N4BP2: variants seen among roughly 807,000 people sequenced by gnomAD.
N4BP2 encodes the protein NEDD4-binding protein 2.
Under a neutral mutation model 152.8 loss-of-function variants are expected in N4BP2, and 91 were observed. The observed-to-expected ratio is 0.60, with a 90% CI of 0.50 to 0.71. N4BP2 has a LOEUF of 0.71. N4BP2 is among the 30% of genes least tolerant of loss of function. The pLI is 0.00. For synonymous variants in N4BP2, 646 were observed against 705.3 expected (o/e 0.92, Z 1.33); for missense variants, 1,923 against 2,059.1 (o/e 0.93, Z 1.28).
Position 40,102,775 on chromosome 4 carries a change from A to G in N4BP2, c.930A>G (p.Lys310=), listed in dbSNP as rs1485832198. The change falls in exon 4 of 18, where the codon AAA becomes AAG. Residue 310 remains lysine (K), a synonymous_variant. Coordinates refer to ENST00000261435, the MANE Select transcript of N4BP2 (RefSeq NM_018177.6). ...TACCAGGTACAGGTGGGGATCAGAA[A>G]TCTACTCGGGTCTCTGATGTGTTTC... ...LDLPGTGGDQ[K]STRVSDVFLP... 6.2e-7 allele frequency: 1 copy of G among 1,614,146 alleles called. No homozygotes were observed. Among genetic ancestry groups the G allele is most frequent in the Admixed American group, 1.7e-5 (1 of 60,006 alleles).
the N4BP2 span, among the ~76,000 whole-genome samples, chr4:40,180,918 G>A: frequency 2.6e-5 from 4 of 152,192 alleles, no homozygotes; most frequent in Admixed American, 6.5e-5. Flanking sequence ...TTGGGAGGCT[G>A]AGGCGGGTGG....
Position 40,152,795 on chromosome 4 carries a change from G to A in N4BP2, c.5159G>A (p.Gly1720Asp). ...GTTGTAACAGAATTTAAGCAGAACGGTGGGAAGCCCTATTTGTCTGTGATT... is the reference window on the plus strand; with the variant it reads ...GTTGTAACAGAATTTAAGCAGAACGATGGGAAGCCCTATTTGTCTGTGATT... The part of the protein sequence containing the change: ...EKKTEEFKQN[G>D]GKPYLSVITG... The change falls in exon 17 of 18, where the codon GGT becomes GAT. Residue 1720 changes from glycine (G) to aspartate (D), a missense_variant. Transcript: ENST00000261435. 1 of 1,613,980 alleles carries A rather than the reference G, an allele frequency of 6.2e-7. No homozygotes were observed. Among genetic ancestry groups the A allele is most frequent in the Non-Finnish European group, 8.5e-7 (1 of 1,179,944 alleles).
At chr4:40,161,181 A>T (rs1268462773), downstream of N4BP2, among the ~76,000 whole-genome samples, 1 of 152,218 alleles carries the variant, frequency 6.6e-6, no homozygotes, top group Non-Finnish European at 1.5e-5. Context: ...TCTTGGCCTG[A>T]TAATGCCGCC....
intron 10 of N4BP2, 66 bp downstream of exon 10, chr4:40,123,278 A>C: frequency 9.4e-7 from 1 of 1,065,060 alleles, no homozygotes; most frequent in African/African-American, 1.6e-5. Flanking sequence ...ATTTCAGTGA[A>C]ATCTACCACA....
chr4:40,179,748 G>A, the N4BP2 span, among the ~76,000 whole-genome samples: 13 of 150,128 alleles, frequency 8.7e-5, no homozygotes, highest in Non-Finnish European at 1.9e-4. Context: ...TTTTAGAGTG[G>A]TAAAGCCTTT....
the N4BP2 span, among the ~76,000 whole-genome samples, chr4:40,175,806 A>AG: frequency 1.1e-4 from 16 of 139,394 alleles, no homozygotes; most frequent in African/African-American, 3.9e-4. Flanking sequence ...ACTCGTCTCA[A>AG]GAAAAAAAAA....
the N4BP2 span, among the ~76,000 whole-genome samples, chr4:40,168,173 A>G: frequency 6.6e-6 from 1 of 152,162 alleles, no homozygotes; most frequent in South Asian, 2.1e-4. Context: ...AAAGAAAATT[A>G]ATGAGGTAAG....
At chr4:40,089,960 T>C (rs1391473752) in intron 2 of N4BP2, among the ~76,000 whole-genome samples, 1 of 152,234 alleles carries the variant, frequency 6.6e-6, no homozygotes, top group Non-Finnish European at 1.5e-5. Flanking sequence ...AGGGTAAGCA[T>C]GAGACTTAGG....
chr4:40,187,190 T>G, the N4BP2 span, among the ~76,000 whole-genome samples: 1 of 152,206 alleles, frequency 6.6e-6, no homozygotes, highest in South Asian at 2.1e-4. Flanking sequence ...AGGTCAACTA[T>G]AAAATTTCTC....
chr4:40,171,084 G>T, the N4BP2 span, among the ~76,000 whole-genome samples: 2 of 152,222 alleles, frequency 1.3e-5, no homozygotes, highest in Non-Finnish European at 2.9e-5. Flanking sequence ...GATTGTATCA[G>T]TTATATTGGA....
the N4BP2 span, among the ~76,000 whole-genome samples, chr4:40,182,366 G>A: frequency 4.6e-5 from 7 of 152,226 alleles, no homozygotes; most frequent in African/African-American, 1.2e-4. Flanking sequence ...CTTTTGTCCT[G>A]TAGGCAGTAG....
chr4:40,154,197 C>T lies in N4BP2; in HGVS notation c.5273C>T (p.Ser1758Phe). ...KYLISHSFRF[S>F]EIKPGCLKVM... Reference sequence around the variant, plus strand: ...CTCTTTTCTCATTTCTGCAGGTTCTCTGAAATTAAACCAGGGTGCTTGAAA... The same window carrying T: ...CTCTTTTCTCATTTCTGCAGGTTCTTTGAAATTAAACCAGGGTGCTTGAAA... The change falls in exon 18 of 18, where the codon TCT (serine) becomes TTT (phenylalanine). Residue 1758 changes from serine to phenylalanine, a missense_variant. Ser to Phe is a radical substitution (Grantham distance 155). Transcript: ENST00000261435. 1 of 1,600,152 alleles carries T rather than the reference C, an allele frequency of 6.2e-7. No homozygotes were observed. Among genetic ancestry groups the T allele is most frequent in the Non-Finnish European group, 8.5e-7 (1 of 1,172,968 alleles).
intron 1 of N4BP2, among the ~76,000 whole-genome samples, chr4:40,069,885 A>T (rs1163383454): frequency 6.6e-6 from 1 of 152,220 alleles, no homozygotes; most frequent in Non-Finnish European, 1.5e-5. Flanking sequence ...ACTGCACTCC[A>T]GCCTGGGTGG....
At chr4:40,089,284 GGTT>G (rs1714302666) in intron 2 of N4BP2, among the ~76,000 whole-genome samples, 1 of 151,980 alleles carries the variant, frequency 6.6e-6, no homozygotes, top group Admixed American at 6.6e-5. Context: ...AGTTTTGATA[GGTT>G]GTTAATAGAT....
At chr4:40,153,758 A>T (rs1032058607) in intron 17 of N4BP2, among the ~76,000 whole-genome samples, 2 of 152,212 alleles carry the variant, frequency 1.3e-5, no homozygotes, top group Admixed American at 1.3e-4. Context: ...GTTGAGATTA[A>T]TTATCTATTT....
intron 16 of N4BP2, among the ~76,000 whole-genome samples, chr4:40,145,792 C>T (rs1560643221): frequency 6.6e-6 from 1 of 151,814 alleles, no homozygotes; most frequent in Non-Finnish European, 1.5e-5. Flanking sequence ...AGTTTATTGT[C>T]TAGTGGGGTA....
Position 40,135,411 on chromosome 4 carries a change from G to A in N4BP2, c.4647-1533G>A, listed in dbSNP as rs1011854770. The stretch of plus-strand genomic sequence containing the variant: ...GTGAATAGTGCTGCAATAAACATAC[G>A]TGTGCATGTGTCTTTATAGCAGCAT... On this transcript the variant is annotated intron_variant, in intron 13 of 17. Transcript: ENST00000261435. Among the ~76,000 whole-genome samples, 16 of 150,628 alleles carry A rather than the reference G, an allele frequency of 1.1e-4. No homozygotes were observed. The East Asian group carries it at 1.2e-3, about 11-fold the overall frequency.
chr4:40,104,104 C>T (rs531133349), intron 4 of N4BP2, among the ~76,000 whole-genome samples: 64 of 152,116 alleles, frequency 4.2e-4, no homozygotes, highest in Non-Finnish European at 7.4e-4. Flanking sequence ...AGGCGCCCAC[C>T]ACCACGCCCA....
At position 40,095,213 on chromosome 4, in the gene N4BP2, T is replaced by A. The variant is rs533306280; in HGVS notation, c.-114-2014T>A. ...ATTCTGCTTCAGCCTCCTGAGTAGCTGGGATTACAGGCCCATGCCACCACG... is the reference window on the plus strand; with the variant it reads ...ATTCTGCTTCAGCCTCCTGAGTAGCAGGGATTACAGGCCCATGCCACCACG... On this transcript the variant is annotated intron_variant, in intron 2 of 17. Transcript: ENST00000261435. Among the ~76,000 whole-genome samples, 9 of 152,296 alleles carry A rather than the reference T, an allele frequency of 5.9e-5. No individual in the cohort carries two copies. The East Asian group carries it at 1.7e-3, about 29-fold the overall frequency.
Sources: allele counts gnomAD v4.1 joint callset (sites outside exome capture counted in the v4.1 genomes callset), GRCh38; gene constraint gnomAD v4.1.1; transcripts MANE v1.5; gene names NCBI Gene and HGNC (gene_info 2026-07-23, HGNC 2026-07-21).